Variants in DCC observed in about 807,000 individuals in gnomAD.
The protein encoded by DCC is DCC netrin 1 receptor, also known as netrin receptor DCC.
A neutral mutation model predicts 172.5 loss-of-function variants in DCC; 58 were observed. The observed-to-expected ratio is 0.34, with a 90% CI of 0.27 to 0.42. The LOEUF (loss-of-function observed/expected upper bound fraction) is 0.42. Among genes scored for constraint, DCC ranks in the 10% least tolerant of loss-of-function variants. DCC has a pLI of 1.00. For synonymous variants in DCC, 709 were observed against 644.5 expected, an observed-to-expected ratio of 1.10 and a Z score of -1.52; for missense variants, 1,740 against 1,791.0, an observed-to-expected ratio of 0.97 and a Z score of 0.51.
chr18:52,672,934 GT>G (rs1224973666), intron 1 of DCC, among the ~76,000 whole-genome samples: 1 of 152,112 alleles, frequency 6.6e-6, no homozygotes, highest in Non-Finnish European at 1.5e-5. Context: ...TATGGTGATG[GT>G]CACCTTAGTC....
chr18:52,979,971 G>A (rs917143564), intron 5 of DCC, among the ~76,000 whole-genome samples: 1 of 152,170 alleles, frequency 6.6e-6, no homozygotes, highest in Non-Finnish European at 1.5e-5. Context: ...ACTTGAAAAG[G>A]AGAGGGGATG....
At chr18:52,601,025 C>T (rs973922193) in intron 1 of DCC, among the ~76,000 whole-genome samples, 1 of 152,040 alleles carries the variant, frequency 6.6e-6, no homozygotes, top group Non-Finnish European at 1.5e-5. Context: ...AGGACTTTTA[C>T]ATGTGGGTCA....
At chr18:52,768,569 T>C (rs542759585) in intron 2 of DCC, among the ~76,000 whole-genome samples, 10 of 152,314 alleles carry the variant, frequency 6.6e-5, no homozygotes, top group African/African-American at 2.4e-4. Flanking sequence ...ATTGCAGAAT[T>C]CTTAGTCCCC....
intron 1 of DCC, among the ~76,000 whole-genome samples, chr18:52,434,843 G>T (rs1373470394): frequency 6.6e-6 from 1 of 152,052 alleles, no homozygotes; most frequent in Non-Finnish European, 1.5e-5. Context: ...AGGCCTCCCT[G>T]ATTCTGCAGT....
At chr18:53,137,286 A>G (rs1184331092) in intron 7 of DCC, among the ~76,000 whole-genome samples, 1 of 152,198 alleles carries the variant, frequency 6.6e-6, no homozygotes, top group Non-Finnish European at 1.5e-5. Flanking sequence ...GGAATGATCC[A>G]CTTCCAATCT....
intron 15 of DCC, among the ~76,000 whole-genome samples, chr18:53,385,671 A>G (rs191961860): frequency 3.3e-5 from 5 of 152,294 alleles, no homozygotes; most frequent in Admixed American, 3.3e-4. Flanking sequence ...TTTAGGTTTG[A>G]TGCTTCCCTT....
chr18:52,638,459 A>C (rs986455581), intron 1 of DCC, among the ~76,000 whole-genome samples: 2 of 152,150 alleles, frequency 1.3e-5, no homozygotes, highest in South Asian at 4.1e-4. Context: ...CACCTAGCAC[A>C]TAAGGACTCA....
At chr18:52,822,195 A>G (rs12605684) in intron 2 of DCC, among the ~76,000 whole-genome samples, 4,475 of 151,902 alleles carry the variant, frequency 0.029, 151 homozygotes, top group East Asian at 0.091. Context: ...CTAAATCTTA[A>G]CTGGTTTTGT....
At chr18:52,868,491 A>T (rs2039264957) in intron 2 of DCC, among the ~76,000 whole-genome samples, 2 of 152,186 alleles carry the variant, frequency 1.3e-5, no homozygotes, top group Admixed American at 6.5e-5. Flanking sequence ...CAAAAGTATG[A>T]CAGTAAGAGA....
chr18:52,340,691 G>GGCGCGTGTGTGTGCATGTGTGCAT lies in DCC; in HGVS notation c.-93_-70dup, dbSNP rs1568122746. The GGCGCGTGTGTGTGCATGTGTGCAT allele has an allele frequency of 3.8e-5, 34 of 885,556 alleles. No homozygotes were observed. The highest frequency in any genetic ancestry group is 5.8e-5 in the Non-Finnish European group (30 of 517,098). 54.9% of individuals were successfully genotyped at this position (885,556 alleles called of 1,614,324 possible). The stretch of plus-strand genomic sequence containing the variant: ...GAGGAGGAGGAAGCCGAAGGGGCTC[G>GGCGCGTGTGTGTGCATGTGTGCAT]GCGCGTGTGTGTGCATGTGTGCATG... On this transcript the variant is annotated 5_prime_UTR_variant, in exon 1 of 29. It adds an upstream start codon to the 5' untranslated region. Transcript: ENST00000442544.
chr18:52,861,502 G>T (rs537811764), intron 2 of DCC, among the ~76,000 whole-genome samples: 1 of 152,272 alleles, frequency 6.6e-6, no homozygotes, highest in African/African-American at 2.4e-5. Context: ...TTCATGAATA[G>T]TTTCCAAATT....
At chr18:52,927,601 G>C (rs1232496175) in intron 5 of DCC, among the ~76,000 whole-genome samples, 2 of 151,838 alleles carry the variant, frequency 1.3e-5, no homozygotes, top group Non-Finnish European at 2.9e-5. Context: ...AATACCTCTA[G>C]TGAACCTTGA....
intron 7 of DCC, 131 bp from the exon 8 acceptor site, chr18:53,157,225 T>A: frequency 8.8e-7 from 1 of 1,136,962 alleles, no homozygotes; most frequent in African/African-American, 1.5e-5. Context: ...ATTCCCTTGG[T>A]TTTCTTCCTT....
intron 12 of DCC, among the ~76,000 whole-genome samples, chr18:53,218,856 C>T (rs923594167): frequency 1.3e-5 from 2 of 152,050 alleles, no homozygotes; most frequent in Admixed American, 6.6e-5. Context: ...ATTTCAAATA[C>T]ATACTACAAC....
At chr18:52,442,612 A>T (rs905741158) in intron 1 of DCC, among the ~76,000 whole-genome samples, 12 of 152,182 alleles carry the variant, frequency 7.9e-5, no homozygotes, top group Admixed American at 3.9e-4. Flanking sequence ...AGCTTTCCCC[A>T]GTCACCCTCC....
intron 1 of DCC, among the ~76,000 whole-genome samples, chr18:52,619,675 T>C (rs1025307204): frequency 1.6e-4 from 25 of 152,198 alleles, no homozygotes; most frequent in Admixed American, 1.6e-3. Context: ...TTTATGTCCT[T>C]ATTATGTGTA....
intron 26 of DCC, among the ~76,000 whole-genome samples, chr18:53,487,462 G>A (rs571593830): frequency 2.6e-5 from 4 of 151,098 alleles, no homozygotes; most frequent in African/African-American, 4.9e-5. Context: ...TTGAAGGAAG[G>A]TAGGAATGAA....
At chr18:52,828,377 T>G (rs2038550997) in intron 2 of DCC, among the ~76,000 whole-genome samples, 3 of 152,092 alleles carry the variant, frequency 2.0e-5, no homozygotes, top group Admixed American at 2.0e-4. Flanking sequence ...CCCTCTTAAC[T>G]GCATGCCACC....
At chr18:52,541,663 C>A (rs894088931) in intron 1 of DCC, among the ~76,000 whole-genome samples, 13 of 151,850 alleles carry the variant, frequency 8.6e-5, no homozygotes, top group African/African-American at 2.7e-4. Flanking sequence ...TGGAGAACTT[C>A]CCCTGGACTT....
Sources: allele counts gnomAD v4.1 joint callset (sites outside exome capture counted in the v4.1 genomes callset), GRCh38; gene constraint gnomAD v4.1.1; transcripts MANE v1.5; gene names NCBI Gene and HGNC (gene_info 2026-07-23, HGNC 2026-07-21).